Variants in SUPT3H observed in about 807,000 individuals in gnomAD.
SUPT3H encodes transcription initiation protein SPT3 homolog.
SUPT3H carries 44 observed loss-of-function variants against 44.3 expected under a neutral mutation model. That is an observed-to-expected ratio of 0.99 (90% CI 0.78 to 1.28). SUPT3H has a LOEUF of 1.28. SUPT3H is among the 50% of genes most tolerant of loss of function. The pLI, the probability that SUPT3H is intolerant of heterozygous loss-of-function variation, is 0.00. For missense variants in SUPT3H, 380 were observed against 387.1 expected (o/e 0.98, Z 0.15); for synonymous variants, 124 against 125.6 (o/e 0.99, Z 0.09).
At chr6:45,082,419 T>A (rs1215012379) in intron 3 of SUPT3H, among the ~76,000 whole-genome samples, 4 of 152,094 alleles carry the variant, frequency 2.6e-5, no homozygotes, top group African/African-American at 9.7e-5. Flanking sequence ...GCAAACCAAG[T>A]CCAGCAGCAC....
intron 10 of SUPT3H, among the ~76,000 whole-genome samples, chr6:44,925,910 C>T (rs1000096605): frequency 6.6e-6 from 1 of 152,054 alleles, no homozygotes; most frequent in South Asian, 2.1e-4. Context: ...AAACAAATGC[C>T]AATGAATTTT....
chr6:45,077,490 G>A (rs1405279829), intron 3 of SUPT3H, among the ~76,000 whole-genome samples: 1 of 151,864 alleles, frequency 6.6e-6, no homozygotes, highest in Admixed American at 6.6e-5. Context: ...AGCCAGGTGT[G>A]GTGGCCTGTG....
At chr6:45,077,525 G>A (rs1795154510) in intron 3 of SUPT3H, among the ~76,000 whole-genome samples, 1 of 151,002 alleles carries the variant, frequency 6.6e-6, no homozygotes, top group Non-Finnish European at 1.5e-5. Context: ...TATTCAGGAG[G>A]CTGTGGTGGG....
chr6:45,326,431 A>G (rs1031742015), intron 2 of SUPT3H, among the ~76,000 whole-genome samples: 3 of 151,948 alleles, frequency 2.0e-5, no homozygotes, highest in African/African-American at 7.2e-5. Flanking sequence ...CGACTTATTT[A>G]TAAAAGAGAA....
intron 11 of SUPT3H, among the ~76,000 whole-genome samples, chr6:44,815,920 A>G (rs945046171): frequency 3.9e-5 from 6 of 152,038 alleles, no homozygotes; most frequent in Non-Finnish European, 1.5e-5. Flanking sequence ...TAATATTTAT[A>G]GAATACTACA....
chr6:44,823,101 CAAAAAAA>C (rs5875894), downstream of SUPT3H, among the ~76,000 whole-genome samples: 3 of 113,178 alleles, frequency 2.7e-5, no homozygotes, highest in Non-Finnish European at 5.3e-5. Flanking sequence ...GACTCCGTTT[CAAAAAAA>C]AAAAAAAAAA....
At chr6:45,311,854 T>C (rs572788741) in intron 2 of SUPT3H, among the ~76,000 whole-genome samples, 7 of 152,018 alleles carry the variant, frequency 4.6e-5, no homozygotes, top group African/African-American at 1.4e-4. Context: ...CAAAACAGAA[T>C]CTCTTTAAAG....
chr6:45,318,399 G>A (rs1785018312), intron 2 of SUPT3H, among the ~76,000 whole-genome samples: 1 of 152,098 alleles, frequency 6.6e-6, no homozygotes, highest in Non-Finnish European at 1.5e-5. Flanking sequence ...AAATCCTAAT[G>A]TAAACTGTGG....
intron 2 of SUPT3H, among the ~76,000 whole-genome samples, chr6:45,315,442 C>A (rs1325723814): frequency 6.6e-5 from 10 of 152,014 alleles, no homozygotes; most frequent in African/African-American, 2.4e-4. Flanking sequence ...AAAAATCAAT[C>A]AATACCATCA....
intron 2 of SUPT3H, among the ~76,000 whole-genome samples, chr6:45,112,329 G>A (rs1562482705): frequency 6.7e-6 from 1 of 150,136 alleles, no homozygotes; most frequent in Non-Finnish European, 1.5e-5. Context: ...ATTAGAGGAA[G>A]GAAAAGAAAG....
chr6:44,982,814 G>C lies in SUPT3H; in HGVS notation c.504+20839C>G, dbSNP rs562755671. ...TAACAGAGAATGGAAAAATAATTCA[G>C]GTACTTCTTAAAGTCAAGAAAATAA... On this transcript the variant is annotated intron_variant, in intron 6 of 10. Transcript: ENST00000371459. 2.2e-3 allele frequency among the ~76,000 whole-genome samples: 339 copies of C among 152,230 alleles called. 1 individual carries two copies. The highest frequency in any genetic ancestry group is 2.5e-3 in the Non-Finnish European group (172 of 68,010).
intron 2 of SUPT3H, among the ~76,000 whole-genome samples, chr6:45,303,817 A>C (rs1174861437): frequency 6.6e-6 from 1 of 151,990 alleles, no homozygotes; most frequent in Non-Finnish European, 1.5e-5. Flanking sequence ...ATATGGTGAA[A>C]CCTCATATCT....
At position 44,811,087 on chromosome 6, in the gene SUPT3H, C is replaced by T. The variant is rs111965348; in HGVS notation, c.*53-1586G>A. ...TATTTCCTAAAGCCCATACTTGATTCGGATTTCCTTAGTTTTTATCCATTG... is the reference window on the plus strand; with the variant it reads ...TATTTCCTAAAGCCCATACTTGATTTGGATTTCCTTAGTTTTTATCCATTG... On this transcript the variant is annotated intron_variant and NMD_transcript_variant, in intron 11 of 11. Transcript: ENST00000475057. Among the ~76,000 whole-genome samples, 1,358 of 152,262 alleles carry T rather than the reference C, an allele frequency of 8.9e-3. 13 individuals are homozygous for T. Among genetic ancestry groups the T allele is most frequent in the South Asian group, 0.025 (119 of 4,824 alleles).
chr6:45,227,391 C>T (rs1767143857), intron 2 of SUPT3H, among the ~76,000 whole-genome samples: 1 of 151,900 alleles, frequency 6.6e-6, no homozygotes, highest in Admixed American at 6.6e-5. Flanking sequence ...GTGCTTATGC[C>T]TTCACAATTA....
At chr6:44,841,650 A>G (rs922274196) in intron 10 of SUPT3H, among the ~76,000 whole-genome samples, 2 of 152,250 alleles carry the variant, frequency 1.3e-5, no homozygotes, top group Non-Finnish European at 1.5e-5. Context: ...GATGGTATCT[A>G]CATACCACTG....
chr6:45,357,642 A>T (rs1793487792), intron 2 of SUPT3H, among the ~76,000 whole-genome samples: 1 of 152,174 alleles, frequency 6.6e-6, no homozygotes. Context: ...TTTTCTAAAG[A>T]TTAATTTTGA....
At chr6:45,254,880 C>A (rs1281801315) in intron 2 of SUPT3H, among the ~76,000 whole-genome samples, 1 of 152,060 alleles carries the variant, frequency 6.6e-6, no homozygotes, top group Admixed American at 6.6e-5. Flanking sequence ...AATCTCATGC[C>A]AACCTGCTGC....
chr6:45,091,611 C>A (rs573021456), intron 3 of SUPT3H, among the ~76,000 whole-genome samples: 10 of 152,146 alleles, frequency 6.6e-5, no homozygotes, highest in African/African-American at 2.4e-4. Context: ...AGTTTCTAAA[C>A]CTATAAAGTG....
chr6:44,972,452 A>G (rs1052538525), intron 6 of SUPT3H, among the ~76,000 whole-genome samples: 5 of 152,144 alleles, frequency 3.3e-5, no homozygotes, highest in Admixed American at 6.5e-5. Flanking sequence ...CCCCTCCCAG[A>G]TGCTTTCATG....
Sources: allele counts gnomAD v4.1 joint callset (sites outside exome capture counted in the v4.1 genomes callset), GRCh38; gene constraint gnomAD v4.1.1; transcripts MANE v1.5; gene names NCBI Gene and HGNC (gene_info 2026-07-23, HGNC 2026-07-21).